The following KCNQ5 variants were observed in gnomAD, a reference collection of about 807,000 sequenced individuals.
KCNQ5 encodes the protein potassium voltage-gated channel subfamily Q member 5, also known as potassium voltage-gated channel subfamily KQT member 5.
In KCNQ5, 30 loss-of-function variants were observed where a neutral mutation model predicts 98.2. The ratio of observed to expected loss-of-function variants is 0.31; its 90% CI spans 0.23 to 0.41. The LOEUF is 0.41. Ranked by LOEUF, KCNQ5 falls within the 10% of genes least tolerant of loss-of-function variation. The pLI is 1.00. For synonymous variants in KCNQ5, 458 were observed against 449.4 expected, an observed-to-expected ratio of 1.02 and a Z score of -0.24; for missense variants, 835 against 1,182.5, an observed-to-expected ratio of 0.71 and a Z score of 4.31.
intron 10 of KCNQ5, among the ~76,000 whole-genome samples, chr6:73,150,983 C>T (rs916177324): frequency 3.3e-5 from 5 of 151,664 alleles, no homozygotes; most frequent in African/African-American, 4.8e-5. Context: ...CTTGTGGTGA[C>T]GGAAATGTCT....
chr6:72,977,087 C>T (rs747124611), intron 1 of KCNQ5, among the ~76,000 whole-genome samples: 1 of 152,152 alleles, frequency 6.6e-6, no homozygotes, highest in Non-Finnish European at 1.5e-5. Context: ...AATTATGTAG[C>T]AATTATGTGT....
intron 1 of KCNQ5, among the ~76,000 whole-genome samples, chr6:72,838,965 A>AAAAAAAAAAAAAG (rs1776657536): frequency 6.6e-6 from 1 of 150,418 alleles, no homozygotes; most frequent in African/African-American, 2.4e-5. Flanking sequence ...AAAAAAAAAA[A>AAAAAAAAAAAAAG]AAAAAAAGAA....
chr6:73,048,326 A>G (rs1318071509), intron 3 of KCNQ5, among the ~76,000 whole-genome samples: 2 of 152,182 alleles, frequency 1.3e-5, no homozygotes, highest in East Asian at 3.8e-4. Flanking sequence ...AATTGCAAGG[A>G]TTATTAACAC....
intron 2 of KCNQ5, among the ~76,000 whole-genome samples, chr6:73,021,139 A>G (rs1021190904): frequency 6.6e-6 from 1 of 152,112 alleles, no homozygotes; most frequent in Non-Finnish European, 1.5e-5. Context: ...GAGTTGTTAC[A>G]TTCCCTACCC....
chr6:72,887,837 C>T (rs149136838), intron 1 of KCNQ5, among the ~76,000 whole-genome samples: 107 of 151,922 alleles, frequency 7.0e-4, no homozygotes, highest in Non-Finnish European at 1.3e-3. Context: ...CTTGAAAAGA[C>T]GAAAAGGAGA....
intron 1 of KCNQ5, among the ~76,000 whole-genome samples, chr6:72,858,998 C>A (rs1028913865): frequency 6.6e-6 from 1 of 150,866 alleles, no homozygotes; most frequent in African/African-American, 2.4e-5. Flanking sequence ...GCAATTTTTA[C>A]GAGTCTATAC....
rs551378187 is a variant in KCNQ5, at chr6:72,630,855, C to A, written c.398+8268C>A. 6.0e-4 allele frequency among the ~76,000 whole-genome samples: 91 copies of A among 152,190 alleles called. 1 individual carries two copies. The highest frequency in any genetic ancestry group is 2.1e-3 in the African/African-American group (88 of 41,516). On this transcript the variant is annotated intron_variant, in intron 1 of 13. Coordinates refer to ENST00000370398, the MANE Select transcript of KCNQ5 (RefSeq NM_019842.4). ...ATCTTTGAGGAAGATAGGATTTAGG[C>A]AAATAATAATGTCATTGGATTTCCA...
intron 11 of KCNQ5, among the ~76,000 whole-genome samples, chr6:73,189,282 C>T (rs996207320): frequency 3.3e-5 from 5 of 151,832 alleles, no homozygotes; most frequent in African/African-American, 1.2e-4. Flanking sequence ...AAAACCTATA[C>T]TGAATAAAGA....
At chr6:72,878,374 A>G (rs2150170237) in intron 1 of KCNQ5, among the ~76,000 whole-genome samples, 1 of 152,240 alleles carries the variant, frequency 6.6e-6, no homozygotes, top group Admixed American at 6.5e-5. Flanking sequence ...CTTTGACAGG[A>G]TTATCATTTT....
chr6:72,667,059 A>T (rs945198029), intron 1 of KCNQ5, among the ~76,000 whole-genome samples: 8 of 149,566 alleles, frequency 5.3e-5, no homozygotes, highest in Admixed American at 1.3e-4. Context: ...TAAATGAAAT[A>T]TTTTTTTTTT....
intron 1 of KCNQ5, among the ~76,000 whole-genome samples, chr6:72,804,854 G>C (rs1480889400): frequency 1.3e-5 from 2 of 152,088 alleles, no homozygotes; most frequent in African/African-American, 4.8e-5. Context: ...GGATAAAAGT[G>C]ATTTTAACTG....
chr6:73,104,195 A>G (rs1774911984), intron 5 of KCNQ5, among the ~76,000 whole-genome samples: 1 of 152,084 alleles, frequency 6.6e-6, no homozygotes, highest in Non-Finnish European at 1.5e-5. Context: ...AATCTTATAT[A>G]TAGAAAACCC....
intron 2 of KCNQ5, among the ~76,000 whole-genome samples, chr6:73,005,395 A>C (rs1021386923): frequency 1.1e-3 from 167 of 152,344 alleles, no homozygotes; most frequent in African/African-American, 4.0e-3. Flanking sequence ...TCTGATTTTT[A>C]AACTTGGAAA....
chr6:72,902,017 T>C (rs907184725), intron 1 of KCNQ5, among the ~76,000 whole-genome samples: 2 of 152,222 alleles, frequency 1.3e-5, no homozygotes, highest in African/African-American at 4.8e-5. Flanking sequence ...TCATCTATGA[T>C]TTCTTTCAGC....
intron 1 of KCNQ5, among the ~76,000 whole-genome samples, chr6:72,828,589 G>A (rs1367567915): frequency 6.6e-6 from 1 of 151,924 alleles, no homozygotes; most frequent in Non-Finnish European, 1.5e-5. Context: ...CAACTTTACT[G>A]AATTCGTTTA....
intron 1 of KCNQ5, among the ~76,000 whole-genome samples, chr6:72,711,155 G>C (rs548969496): frequency 8.6e-5 from 13 of 151,914 alleles, no homozygotes; most frequent in Non-Finnish European, 1.9e-4. Context: ...AATCCAATAG[G>C]ACTGGTGTCC....
intron 8 of KCNQ5, among the ~76,000 whole-genome samples, chr6:73,121,677 G>A (rs1775758171): frequency 6.6e-6 from 1 of 152,196 alleles, no homozygotes; most frequent in African/African-American, 2.4e-5. Context: ...TACTGATCTT[G>A]GGAGATATCA....
chr6:72,928,131 G>A (rs185403017), intron 1 of KCNQ5, among the ~76,000 whole-genome samples: 27 of 152,116 alleles, frequency 1.8e-4, no homozygotes, highest in East Asian at 3.9e-4. Flanking sequence ...GAAGAAACCC[G>A]TGTTTTCATG....
chr6:72,797,359 G>C (rs1241791423), intron 1 of KCNQ5, among the ~76,000 whole-genome samples: 1 of 151,954 alleles, frequency 6.6e-6, no homozygotes, highest in Non-Finnish European at 1.5e-5. Flanking sequence ...GAAAAAATTA[G>C]CTGGGAATGT....
Sources: allele counts gnomAD v4.1 joint callset (sites outside exome capture counted in the v4.1 genomes callset), GRCh38; gene constraint gnomAD v4.1.1; transcripts MANE v1.5; gene names NCBI Gene and HGNC (gene_info 2026-07-23, HGNC 2026-07-21).